Variants in DENND5B observed in about 807,000 individuals in gnomAD.
The protein encoded by DENND5B is DENN domain-containing protein 5B.
A neutral mutation model predicts 140.6 loss-of-function variants in DENND5B; 34 were observed. The ratio of observed to expected loss-of-function variants is 0.24; its 90% CI spans 0.18 to 0.32. DENND5B has a LOEUF of 0.32. Ranked by LOEUF, DENND5B falls within the 10% of genes least tolerant of loss-of-function variation. The pLI is 1.00. For synonymous variants in DENND5B, 551 were observed against 562.1 expected, an observed-to-expected ratio of 0.98 and a Z score of 0.28; for missense variants, 1,142 against 1,560.2, an observed-to-expected ratio of 0.73 and a Z score of 4.52.
At chr12:31,559,947 T>A (rs1178915327) in intron 1 of DENND5B, among the ~76,000 whole-genome samples, 1 of 152,182 alleles carries the variant, frequency 6.6e-6, no homozygotes, top group Non-Finnish European at 1.5e-5. Context: ...AAAAAATACT[T>A]AGTAATTTTT....
chr12:31,434,398 C>CTTTCAG (rs1695635969), intron 7 of DENND5B, among the ~76,000 whole-genome samples: 1 of 152,072 alleles, frequency 6.6e-6, no homozygotes, highest in Non-Finnish European at 1.5e-5. Context: ...TCGAAACTGC[C>CTTTCAG]TTTCAGATGA....
At chr12:31,447,358 G>C (rs1421504526) in intron 6 of DENND5B, among the ~76,000 whole-genome samples, 180 bp downstream of exon 6, 1 of 152,068 alleles carries the variant, frequency 6.6e-6, no homozygotes, top group Non-Finnish European at 1.5e-5. Context: ...AAGAGAAGAG[G>C]AACGTCAAGT....
chr12:31,423,598 T>C lies in DENND5B; in HGVS notation c.2469A>G (p.Pro823=). ...AGTTCTTTACCAATGATGTCATACC[T>C]GGTGATTCTGCAAGGTGCTCTTGTT... ...EEKQEHLAES[P]VALGPERRKS... is the part of the protein sequence containing the mutation. Residue 823 remains proline, a splice_region_variant and synonymous_variant, in exon 11 of 21, where the codon CCA becomes CCG. Transcript: ENST00000389082. 2.5e-6 allele frequency: 4 copies of C among 1,613,870 alleles called. No homozygotes were observed. Among genetic ancestry groups the C allele is most frequent in the Non-Finnish European group, 3.4e-6 (4 of 1,179,824 alleles).
intron 14 of DENND5B, among the ~76,000 whole-genome samples, chr12:31,404,197 C>G (rs1029710574): frequency 6.6e-6 from 1 of 152,180 alleles, no homozygotes; most frequent in African/African-American, 2.4e-5. Flanking sequence ...TGCACTCCAG[C>G]CTGGGCAACA....
intron 1 of DENND5B, among the ~76,000 whole-genome samples, chr12:31,587,935 C>G (rs978725286): frequency 6.6e-6 from 1 of 152,168 alleles, no homozygotes; most frequent in Non-Finnish European, 1.5e-5. Context: ...GCAGCCACAA[C>G]AGTCATTTTA....
chr12:31,425,698 C>G (rs1943198138), intron 9 of DENND5B, among the ~76,000 whole-genome samples: 1 of 152,132 alleles, frequency 6.6e-6, no homozygotes. Context: ...CCACTATATA[C>G]TGATGCTGAA....
chr12:31,395,815 G>A (rs368149766), intron 17 of DENND5B, among the ~76,000 whole-genome samples: 3 of 150,846 alleles, frequency 2.0e-5, no homozygotes, highest in Non-Finnish European at 2.9e-5. Flanking sequence ...CCTAAATACC[G>A]CCTCTATATT....
intron 1 of DENND5B, among the ~76,000 whole-genome samples, chr12:31,577,179 C>G (rs1950042946): frequency 6.6e-6 from 1 of 152,170 alleles, no homozygotes; most frequent in African/African-American, 2.4e-5. Flanking sequence ...TACATTATCA[C>G]TTCTACATTG....
At chr12:31,478,070 A>C (rs1257120825) in intron 3 of DENND5B, 1 of 153,110 alleles carries the variant, frequency 6.5e-6, no homozygotes, top group Non-Finnish European at 1.5e-5. Flanking sequence ...ATATATTTTA[A>C]ATATATACAT....
intron 3 of DENND5B, among the ~76,000 whole-genome samples, chr12:31,466,715 C>A (rs561286337): frequency 2.3e-5 from 3 of 133,284 alleles, no homozygotes; most frequent in African/African-American, 5.5e-5. Flanking sequence ...ACAACAACAA[C>A]AAAAAAAAGT....
At chr12:31,409,182 A>T in intron 14 of DENND5B, 81 bp downstream of exon 14, 3 of 1,397,402 alleles carry the variant, frequency 2.1e-6, no homozygotes, top group Non-Finnish European at 2.9e-6. Flanking sequence ...GTACTATGGC[A>T]TATCTTGCTT....
intron 1 of DENND5B, among the ~76,000 whole-genome samples, chr12:31,528,356 A>C (rs547840675): frequency 6.6e-6 from 1 of 152,124 alleles, no homozygotes; most frequent in Non-Finnish European, 1.5e-5. Flanking sequence ...GCCTCTCTCT[A>C]GAAGGGTGCA....
chr12:31,536,096 G>C (rs117137735), intron 1 of DENND5B, among the ~76,000 whole-genome samples: 55 of 152,200 alleles, frequency 3.6e-4, no homozygotes, highest in Non-Finnish European at 6.6e-4. Flanking sequence ...CTCCCACTTT[G>C]ACTTCCACCA....
At chr12:31,497,856 A>G (rs111833064) in intron 1 of DENND5B, among the ~76,000 whole-genome samples, 1 of 15,572 alleles carries the variant, frequency 6.4e-5, no homozygotes, top group African/African-American at 3.0e-4. Flanking sequence ...AGGGGGGGCA[A>G]GGGGAGGGGG....
chr12:31,404,759 C>G (rs940994058), intron 14 of DENND5B, among the ~76,000 whole-genome samples: 1 of 74,064 alleles, frequency 1.4e-5, no homozygotes, highest in African/African-American at 5.1e-5. Context: ...CGACCTCTAG[C>G]TTTTTTTTTT....
chr12:31,463,455 C>T (rs1171802506), intron 3 of DENND5B, among the ~76,000 whole-genome samples: 1 of 152,140 alleles, frequency 6.6e-6, no homozygotes, highest in Non-Finnish European at 1.5e-5. Context: ...GTATCTACCA[C>T]AGTATCTGAC....
chr12:31,542,287 C>CAAAA (rs778257868), intron 1 of DENND5B, among the ~76,000 whole-genome samples: 1 of 62,306 alleles, frequency 1.6e-5, no homozygotes, highest in Non-Finnish European at 3.3e-5. Flanking sequence ...GACTCCGTCT[C>CAAAA]AAAAAAAAAA....
At chr12:31,572,935 G>C (rs1949875337) in intron 1 of DENND5B, among the ~76,000 whole-genome samples, 1 of 152,136 alleles carries the variant, frequency 6.6e-6, no homozygotes, top group African/African-American at 2.4e-5. Context: ...ACTTTTTAAA[G>C]AAAAAATATT....
chr12:31,537,252 A>G (rs192281639), intron 1 of DENND5B, among the ~76,000 whole-genome samples: 1 of 152,312 alleles, frequency 6.6e-6, no homozygotes, highest in East Asian at 1.9e-4. Flanking sequence ...AAATAACTAC[A>G]ACAACTTTTC....
Sources: allele counts gnomAD v4.1 joint callset (sites outside exome capture counted in the v4.1 genomes callset), GRCh38; gene constraint gnomAD v4.1.1; transcripts MANE v1.5; gene names NCBI Gene and HGNC (gene_info 2026-07-23, HGNC 2026-07-21).